Variants in PIEZO2 observed in about 807,000 individuals in gnomAD.
The protein encoded by PIEZO2 is piezo-type mechanosensitive ion channel component 2.
Under a neutral mutation model 337.3 loss-of-function variants are expected in PIEZO2, and 172 were observed. That is an observed-to-expected ratio of 0.51 (90% confidence interval 0.45 to 0.58). The LOEUF is 0.58. Among genes scored for constraint, PIEZO2 ranks in the 20% least tolerant of loss-of-function variants. PIEZO2 has a pLI of 0.00. For missense variants in PIEZO2, 3,028 were observed against 3,391.3 expected, an observed-to-expected ratio of 0.89 and a Z score of 2.66; for synonymous variants, 1,251 against 1,228.5, an observed-to-expected ratio of 1.02 and a Z score of -0.38.
intron 37 of PIEZO2, 78 bp from the exon 38 acceptor site, chr18:10,715,894 T>TGG: frequency 1.7e-6 from 2 of 1,212,024 alleles, no homozygotes; most frequent in Non-Finnish European, 2.3e-6. Context: ...CAGCGATGTT[T>TGG]TACCAAAGCT....
At position 10,929,672 on chromosome 18, in the gene PIEZO2, A is replaced by T. The variant is rs1043427533; in HGVS notation, c.287-18444T>A. Among the ~76,000 whole-genome samples the T allele has an allele frequency of 6.6e-6, 1 of 152,302 alleles. No individual in the cohort carries two copies. The highest frequency in any genetic ancestry group is 1.9e-4 in the East Asian group (1 of 5,180). On this transcript the variant is annotated intron_variant, in intron 3 of 55. Transcript: ENST00000674853. This position sits in a 1 kb window ranked among gnomAD's most constrained non-coding sequence, Gnocchi z 5.6. ...ATCCTCTCCCATAACTTAGTCTTTT[A>T]CAGTGTTTAATGGAGTTTGATACAA...
At chr18:10,825,552 T>TC (rs1388411205) in intron 7 of PIEZO2, among the ~76,000 whole-genome samples, 1 of 144,168 alleles carries the variant, frequency 6.9e-6, no homozygotes, top group African/African-American at 2.6e-5. Context: ...CTTTCTTCCT[T>TC]TTTTTTTTTT....
At chr18:10,849,015 C>A (rs569488479) in intron 7 of PIEZO2, among the ~76,000 whole-genome samples, 2 of 152,146 alleles carry the variant, frequency 1.3e-5, no homozygotes, top group South Asian at 4.1e-4. Flanking sequence ...CCCAAGGATT[C>A]CTTTTTTTTG....
chr18:10,757,492 T>A (rs143256625), intron 27 of PIEZO2, among the ~76,000 whole-genome samples: 14 of 29,312 alleles, frequency 4.8e-4, no homozygotes, highest in African/African-American at 4.2e-3. Context: ...AAATGGAGGA[T>A]GAGTAGGAGA....
chr18:10,699,182 G>T lies in PIEZO2; in HGVS notation c.6442-5C>A. 2 of 1,537,232 alleles carry T rather than the reference G, an allele frequency of 1.3e-6. No homozygotes were observed. The highest frequency in any genetic ancestry group is 2.7e-5 in the African/African-American group (2 of 73,160). On this transcript the variant is annotated splice_region_variant and splice_polypyrimidine_tract_variant and intron_variant, in intron 43 of 55. Coordinates refer to ENST00000674853, the MANE Select transcript of PIEZO2 (RefSeq NM_001378183.1). Reference sequence around the variant, plus strand: ...TTCATCCCATAAGCCATGGCACTGAGAAAGCAGGGACAGGGACAAATGAGG... The same window carrying T: ...TTCATCCCATAAGCCATGGCACTGATAAAGCAGGGACAGGGACAAATGAGG...
Position 10,937,526 on chromosome 18 carries a change from G to A in PIEZO2, c.287-26298C>T, listed in dbSNP as rs138059624. On this transcript the variant is annotated intron_variant, in intron 3 of 55. Transcript: ENST00000674853. ...AATATCTATATGTTATTTCCCCTCC[G>A]TACAGAGCTAGTTCATTATGTCTTT... Among the ~76,000 whole-genome samples the A allele has an allele frequency of 3.5e-4, 54 of 152,242 alleles. No homozygotes were observed. The East Asian group carries it at 6.8e-3, about 19-fold the overall frequency.
intron 2 of PIEZO2, among the ~76,000 whole-genome samples, chr18:11,012,774 G>A (rs2035949362): frequency 6.6e-6 from 1 of 152,150 alleles, no homozygotes; most frequent in African/African-American, 2.4e-5. Context: ...CCTAGCACAG[G>A]GGCTCATGCC....
rs77457692 is a variant in PIEZO2, at chr18:10,973,194, G to A, written c.286+6341C>T. Among the ~76,000 whole-genome samples, 2 of 152,188 alleles carry A rather than the reference G, an allele frequency of 1.3e-5. No homozygotes were observed. Among genetic ancestry groups the A allele is most frequent in the Non-Finnish European group, 2.9e-5 (2 of 68,032 alleles). ...AATATCAACACGGCATTGGCCTAAGGGTTGTTCATACGGGTGGGTGTCATG... is the reference window on the plus strand; with the variant it reads ...AATATCAACACGGCATTGGCCTAAGAGTTGTTCATACGGGTGGGTGTCATG... On this transcript the variant is annotated intron_variant, in intron 3 of 55. Transcript: ENST00000674853. This position sits in a 1 kb window ranked among gnomAD's most constrained non-coding sequence, Gnocchi z 4.9.
chr18:11,031,124 G>C lies in PIEZO2; in HGVS notation c.160+35003C>G, dbSNP rs1170191669. 6.6e-6 allele frequency among the ~76,000 whole-genome samples: 1 copy of C among 151,670 alleles called. No individual in the cohort carries two copies. The highest frequency in any genetic ancestry group is 1.5e-5 in the Non-Finnish European group (1 of 67,970). Reference sequence around the variant, plus strand: ...CCTGCCTCAGCCTCTCGAGTTTCTGGGACTACAGGCGCCTGCCACCATGCC... The same window carrying C: ...CCTGCCTCAGCCTCTCGAGTTTCTGCGACTACAGGCGCCTGCCACCATGCC... On this transcript the variant is annotated intron_variant, in intron 2 of 55. Coordinates refer to ENST00000674853, the MANE Select transcript of PIEZO2 (RefSeq NM_001378183.1). The surrounding 1 kb of genome is among the most constrained non-coding windows in gnomAD (Gnocchi z 4.7).
intron 3 of PIEZO2, among the ~76,000 whole-genome samples, chr18:10,967,711 CAT>C (rs1485963411): frequency 2.6e-5 from 4 of 152,100 alleles, no homozygotes; most frequent in African/African-American, 4.8e-5. Flanking sequence ...AGCGTTTTTT[CAT>C]ATGTTTGTTG....
chr18:10,765,474 C>T (rs1598450417), intron 21 of PIEZO2, among the ~76,000 whole-genome samples: 2 of 152,166 alleles, frequency 1.3e-5, no homozygotes, highest in African/African-American at 4.8e-5. Context: ...GTAGAAGTCT[C>T]TCATGATCAT....
chr18:11,131,000 T>C (rs1319899404), intron 1 of PIEZO2, among the ~76,000 whole-genome samples: 1 of 152,180 alleles, frequency 6.6e-6, no homozygotes, highest in Non-Finnish European at 1.5e-5. Flanking sequence ...ATAGGGATGC[T>C]GTTTGGAGCC....
rs1030560117 is a variant in PIEZO2, at chr18:10,750,254, T to A, written c.4168-67A>T. Reference sequence around the variant, plus strand: ...CAGAAAAAAAAGTGGTGTTTTATGATCCCAACATGTGCAAGAATTCACAAG... The same window carrying A: ...CAGAAAAAAAAGTGGTGTTTTATGAACCCAACATGTGCAAGAATTCACAAG... On this transcript the variant is annotated intron_variant, in intron 28 of 55. Transcript: ENST00000674853. This position sits in a 1 kb window ranked among gnomAD's most constrained non-coding sequence, Gnocchi z 4.1. 1.8e-6 allele frequency: 2 copies of A among 1,131,654 alleles called. No individual in the cohort carries two copies. The highest frequency in any genetic ancestry group is 1.5e-5 in the African/African-American group (1 of 65,140). The allele number at this position is 1,131,654 out of a possible 1,614,324, so 70.1% of individuals were successfully genotyped here.
intron 1 of PIEZO2, among the ~76,000 whole-genome samples, chr18:11,095,495 C>G (rs901143807): frequency 1.3e-5 from 2 of 152,200 alleles, no homozygotes; most frequent in South Asian, 2.1e-4. Flanking sequence ...AACATTGGCT[C>G]TGCCCCCACT....
At chr18:11,036,338 A>G (rs2036924363) in intron 2 of PIEZO2, among the ~76,000 whole-genome samples, 2 of 152,124 alleles carry the variant, frequency 1.3e-5, no homozygotes, top group Non-Finnish European at 2.9e-5. Context: ...GAAAAACCTA[A>G]TGTTTTTCAT....
chr18:10,779,554 G>A (rs1409348646), intron 18 of PIEZO2, among the ~76,000 whole-genome samples: 4 of 152,178 alleles, frequency 2.6e-5, no homozygotes, highest in Non-Finnish European at 5.9e-5. Flanking sequence ...CCATATCTCA[G>A]TGCCATCTCA....
At chr18:10,865,634 T>C (rs947884658) in intron 5 of PIEZO2, among the ~76,000 whole-genome samples, 1 of 152,202 alleles carries the variant, frequency 6.6e-6, no homozygotes, top group African/African-American at 2.4e-5. Flanking sequence ...GAAGGAGCTG[T>C]GTCTCCCGCT....
At chr18:10,939,734 A>G (rs2032618834) in intron 3 of PIEZO2, among the ~76,000 whole-genome samples, 1 of 152,158 alleles carries the variant, frequency 6.6e-6, no homozygotes, top group African/African-American at 2.4e-5. Context: ...ACATGGACAC[A>G]GGGAGGGGAA....
chr18:10,961,050 G>A (rs577925962), intron 3 of PIEZO2, among the ~76,000 whole-genome samples: 37 of 152,108 alleles, frequency 2.4e-4, no homozygotes, highest in African/African-American at 7.5e-4. Context: ...GTGTGGTGGC[G>A]GGCACCCGTA....
Sources: gnomAD v4.1 joint callset for allele counts (sites outside exome capture counted in the v4.1 genomes callset) on GRCh38, gnomAD v4.1.1 for gene constraint, Gnocchi (gnomAD v3.1) non-coding constraint, MANE v1.5 for transcripts, NCBI Gene and HGNC (gene_info 2026-07-23, HGNC 2026-07-21) for gene names.